LYPLAL1: variants seen among roughly 807,000 people sequenced by gnomAD.
The protein encoded by LYPLAL1 is lysophospholipase-like protein 1.
A neutral mutation model predicts 19.7 loss-of-function variants in LYPLAL1; 23 were observed. That is an observed-to-expected ratio of 1.17 (90% CI 0.84 to 1.65). The LOEUF (loss-of-function observed/expected upper bound fraction) is 1.65, where lower values mean the gene tolerates loss of function less well. Among genes scored for constraint, LYPLAL1 ranks in the 40% most tolerant of loss-of-function variants. LYPLAL1 has a pLI of 0.00. For synonymous variants in LYPLAL1, 119 were observed against 96.3 expected, an observed-to-expected ratio of 1.24 and a Z score of -1.38; for missense variants, 355 against 279.4, an observed-to-expected ratio of 1.27 and a Z score of -1.93.
At chr1:219,350,150 G>A in the LYPLAL1 span, among the ~76,000 whole-genome samples, 3 of 152,144 alleles carry the variant, frequency 2.0e-5, no homozygotes. Flanking sequence ...ATTTTAAAAG[G>A]TGTCTATTTT....
chr1:219,313,529 CTT>C, the LYPLAL1 span, among the ~76,000 whole-genome samples: 83 of 146,622 alleles, frequency 5.7e-4, no homozygotes, highest in East Asian at 8.0e-4. Flanking sequence ...TTTAAAAAAA[CTT>C]TTTTTTTTTT....
intron 2 of LYPLAL1, among the ~76,000 whole-genome samples, chr1:219,189,654 G>A (rs1280614501): frequency 6.6e-6 from 1 of 151,534 alleles, no homozygotes; most frequent in Non-Finnish European, 1.5e-5. Flanking sequence ...TAGTATAGAG[G>A]TGGTGCAAGA....
the LYPLAL1 span, among the ~76,000 whole-genome samples, chr1:219,323,025 C>A: frequency 1.3e-4 from 20 of 152,152 alleles, no homozygotes; most frequent in Non-Finnish European, 2.5e-4. Context: ...GAAATCCAGT[C>A]CTTGTTTTGT....
chr1:219,370,850 A>G, the LYPLAL1 span, among the ~76,000 whole-genome samples: 1 of 152,220 alleles, frequency 6.6e-6, no homozygotes, highest in Non-Finnish European at 1.5e-5. Flanking sequence ...GGAGGCCCTC[A>G]TTAGCTTTTC....
the LYPLAL1 span, among the ~76,000 whole-genome samples, chr1:219,219,500 T>A: frequency 6.6e-6 from 1 of 152,176 alleles, no homozygotes; most frequent in Non-Finnish European, 1.5e-5. Flanking sequence ...CTCAGTGTGG[T>A]CTTCTGGCCA....
chr1:219,320,673 G>A, the LYPLAL1 span, among the ~76,000 whole-genome samples: 1 of 151,936 alleles, frequency 6.6e-6, no homozygotes, highest in Admixed American at 6.6e-5. Context: ...TCCCACCTCT[G>A]AGTGAGAACA....
the LYPLAL1 span, among the ~76,000 whole-genome samples, chr1:219,324,011 C>T: frequency 6.6e-6 from 1 of 152,286 alleles, no homozygotes; most frequent in Non-Finnish European, 1.5e-5. Context: ...AGCCGATGCT[C>T]TCTTCACTAC....
At chr1:219,287,598 T>G in the LYPLAL1 span, among the ~76,000 whole-genome samples, 1 of 152,122 alleles carries the variant, frequency 6.6e-6, no homozygotes, top group Non-Finnish European at 1.5e-5. Flanking sequence ...CAAACACTGA[T>G]GAGAATGTGG....
the LYPLAL1 span, among the ~76,000 whole-genome samples, chr1:219,367,624 A>T: frequency 1.3e-5 from 2 of 152,322 alleles, no homozygotes; most frequent in South Asian, 4.1e-4. Context: ...AAAATATAAG[A>T]TAATTTATCT....
At chr1:219,176,898 A>C (rs970643952) in intron 1 of LYPLAL1, among the ~76,000 whole-genome samples, 5 of 152,342 alleles carry the variant, frequency 3.3e-5, no homozygotes, top group Admixed American at 2.0e-4. Flanking sequence ...TGCTCTGATC[A>C]TACAGCAATG....
the LYPLAL1 span, among the ~76,000 whole-genome samples, chr1:219,347,788 A>G: frequency 6.6e-6 from 1 of 152,222 alleles, no homozygotes; most frequent in Middle Eastern, 3.4e-3. Context: ...ACTGGATGAG[A>G]CAGGTCAATT....
At chr1:219,254,187 G>T in the LYPLAL1 span, among the ~76,000 whole-genome samples, 1 of 151,874 alleles carries the variant, frequency 6.6e-6, no homozygotes, top group Non-Finnish European at 1.5e-5. Flanking sequence ...CGTTTGAGAC[G>T]GATCTCTTGA....
At chr1:219,330,325 A>T in the LYPLAL1 span, among the ~76,000 whole-genome samples, 5 of 152,196 alleles carry the variant, frequency 3.3e-5, no homozygotes, top group African/African-American at 1.2e-4. Context: ...AATATATTTA[A>T]TGCTGCTCTA....
At chr1:219,188,779 G>A (rs1490963831) in intron 2 of LYPLAL1, among the ~76,000 whole-genome samples, 1 of 151,050 alleles carries the variant, frequency 6.6e-6, no homozygotes, top group Non-Finnish European at 1.5e-5. Flanking sequence ...CCACACAGAT[G>A]TTCTTTGCCA....
chr1:219,398,200 A>T, the LYPLAL1 span, among the ~76,000 whole-genome samples: 1 of 152,128 alleles, frequency 6.6e-6, no homozygotes, highest in Non-Finnish European at 1.5e-5. Flanking sequence ...TGAGTCACAG[A>T]TTTGGTTTCT....
chr1:219,372,915 T>A, the LYPLAL1 span, among the ~76,000 whole-genome samples: 7 of 151,560 alleles, frequency 4.6e-5, no homozygotes, highest in Admixed American at 2.6e-4. Flanking sequence ...AAAAAAAAAA[T>A]AAATAAATTG....
chr1:219,328,599 T>C, the LYPLAL1 span, among the ~76,000 whole-genome samples: 1 of 152,136 alleles, frequency 6.6e-6, no homozygotes, highest in African/African-American at 2.4e-5. Flanking sequence ...GATATAGAAA[T>C]AAATTATCAT....
the LYPLAL1 span, among the ~76,000 whole-genome samples, chr1:219,266,149 T>G: frequency 1.3e-5 from 2 of 152,184 alleles, no homozygotes; most frequent in African/African-American, 2.4e-5. Context: ...TTTAACATTT[T>G]TTTAAATTTT....
the LYPLAL1 span, among the ~76,000 whole-genome samples, chr1:219,327,160 C>G: frequency 6.6e-6 from 1 of 152,128 alleles, no homozygotes; most frequent in Admixed American, 6.5e-5. Context: ...TAATCGTACA[C>G]CTTCTACTGA....
Sources: allele counts gnomAD v4.1 joint callset (sites outside exome capture counted in the v4.1 genomes callset), GRCh38; gene constraint gnomAD v4.1.1; transcripts MANE v1.5; gene names NCBI Gene and HGNC (gene_info 2026-07-23, HGNC 2026-07-21).